AXDND1: variants seen among roughly 807,000 people sequenced by gnomAD.
AXDND1 encodes axonemal dynein light chain domain-containing protein 1.
AXDND1 carries 110 observed loss-of-function variants against 137.5 expected under a neutral mutation model. The ratio of observed to expected loss-of-function variants is 0.80; its 90% CI spans 0.69 to 0.94. The LOEUF (loss-of-function observed/expected upper bound fraction) is 0.94, where lower values mean the gene tolerates loss of function less well. Among genes scored for constraint, AXDND1 ranks in the 40% least tolerant of loss-of-function variants. AXDND1 has a pLI of 0.00. For missense variants in AXDND1, 1,191 were observed against 1,169.8 expected (o/e 1.02, Z -0.26); for synonymous variants, 414 against 399.7 (o/e 1.04, Z -0.43).
chr1:179,471,420 T>C (rs1172870086), intron 17 of AXDND1, among the ~76,000 whole-genome samples: 1 of 152,228 alleles, frequency 6.6e-6, no homozygotes, highest in Non-Finnish European at 1.5e-5. Flanking sequence ...CTATTTCTTA[T>C]TGAATCAGTT....
Position 179,383,535 on chromosome 1 carries a change from A to G in AXDND1, c.732A>G (p.Gly244=). ...RAGVENQEYT[G]PTKMHKLLHI... ...GTGTGGAAAATCAGGAATATACAGG[A>G]CCAACGAAGGTAATTGCAAAGCCGA... Residue 244 remains glycine, a synonymous_variant, in exon 8 of 26, where the codon GGA becomes GGG. Transcript: ENST00000367618. 6.2e-7 allele frequency: 1 copy of G among 1,612,710 alleles called. No individual in the cohort carries two copies. Among genetic ancestry groups the G allele is most frequent in the South Asian group, 1.1e-5 (1 of 90,992 alleles).
chr1:179,434,046 TG>T (rs1437982057), intron 15 of AXDND1, among the ~76,000 whole-genome samples: 1 of 152,192 alleles, frequency 6.6e-6, no homozygotes. Context: ...CTGTGTTGGG[TG>T]CATACATATT....
At chr1:179,554,251 A>G (rs1193462677) in intron 25 of AXDND1, among the ~76,000 whole-genome samples, 1 of 152,130 alleles carries the variant, frequency 6.6e-6, no homozygotes, top group Non-Finnish European at 1.5e-5. Context: ...ATCTAAAACA[A>G]TTTTTAGATT....
chr1:179,448,784 C>T (rs142145450), intron 16 of AXDND1: 6 of 162,636 alleles, frequency 3.7e-5, no homozygotes, highest in African/African-American at 1.4e-4. Context: ...GGTGTCATAT[C>T]TAAGAATCCT....
chr1:179,412,609 G>C (rs1455863042), intron 12 of AXDND1, among the ~76,000 whole-genome samples: 1 of 152,046 alleles, frequency 6.6e-6, no homozygotes, highest in Non-Finnish European at 1.5e-5. Context: ...TTACTTACTA[G>C]AGGTAATTAT....
chr1:179,369,000 G>A (rs1667754619), intron 3 of AXDND1, 28 bp downstream of exon 3: 2 of 1,540,378 alleles, frequency 1.3e-6, no homozygotes, highest in East Asian at 2.3e-5. Flanking sequence ...TAGAGTAATG[G>A]GGAACATTAT....
In AXDND1 at chr1:179,510,001, A is replaced by G. The variant is rs187111842; in HGVS notation, c.2496+598A>G. Among the ~76,000 whole-genome samples, 39 of 152,208 alleles carry G rather than the reference A, an allele frequency of 2.6e-4. No homozygotes were observed. The East Asian group carries it at 6.8e-3, about 26-fold the overall frequency. On this transcript the variant is annotated intron_variant, in intron 21 of 25. Transcript: ENST00000367618. Reference sequence around the variant, plus strand: ...CAGTGATTCCTTATTGCCAAATCCAAGTATCTTCAATTTTGTATTTAACCT... The same window carrying G: ...CAGTGATTCCTTATTGCCAAATCCAGGTATCTTCAATTTTGTATTTAACCT...
At chr1:179,542,310 T>G (rs1380475315) in intron 25 of AXDND1, among the ~76,000 whole-genome samples, 1 of 152,180 alleles carries the variant, frequency 6.6e-6, no homozygotes, top group African/African-American at 2.4e-5. Flanking sequence ...AGACATCTAC[T>G]TTCCGTTTTT....
intron 25 of AXDND1, among the ~76,000 whole-genome samples, chr1:179,535,240 A>G (rs550480146): frequency 7.9e-5 from 12 of 151,308 alleles, no homozygotes; most frequent in Non-Finnish European, 1.6e-4. Context: ...TTTTTTTATT[A>G]TACTTTAAGT....
intron 2 of AXDND1, 49 bp downstream of exon 2, chr1:179,366,655 G>GA: frequency 6.8e-7 from 1 of 1,475,288 alleles, no homozygotes; most frequent in Non-Finnish European, 9.5e-7. Flanking sequence ...CCGTAAGACA[G>GA]AAATCACCTT....
chr1:179,411,859 T>A (rs11333365), intron 12 of AXDND1, among the ~76,000 whole-genome samples: 45,443 of 134,788 alleles, frequency 0.34, 7,052 homozygotes, highest in Non-Finnish European at 0.36. Context: ...CTTTTTTTTT[T>A]AAAAAAACAG....
chr1:179,366,408 A>G lies in AXDND1; in HGVS notation c.-102A>G, dbSNP rs1253394367. ...TCTTTTTTCCTCTGCCTGCAGGACT[A>G]TGTGGCAGCCTGCAAGTCCCAGTGC... On this transcript the variant is annotated 5_prime_UTR_variant, in exon 2 of 26. The change abolishes an upstream ATG in the 5' untranslated region. Coordinates refer to ENST00000367618, the MANE Select transcript of AXDND1 (RefSeq NM_144696.6). 7.4e-6 allele frequency: 6 copies of G among 810,190 alleles called. No homozygotes were observed. The highest frequency in any genetic ancestry group is 2.4e-4 in the Middle Eastern group (1 of 4,174). The allele number at this position is 810,190 out of a possible 1,614,324, so 50.2% of individuals were successfully genotyped here.
At chr1:179,456,312 C>T (rs1227540340) in intron 16 of AXDND1, 1 of 749,920 alleles carries the variant, frequency 1.3e-6, no homozygotes, top group East Asian at 2.5e-5. Context: ...TTGGCCTCCA[C>T]CACCACAGGG....
At chr1:179,456,918 C>G (rs1249783516) in intron 16 of AXDND1, 7 of 1,208,542 alleles carry the variant, frequency 5.8e-6, no homozygotes, top group East Asian at 4.6e-5. Context: ...CTTGCCACTG[C>G]CTCAGTCATG....
At chr1:179,446,057 C>T (rs990688268) in intron 16 of AXDND1, among the ~76,000 whole-genome samples, 1 of 152,152 alleles carries the variant, frequency 6.6e-6, no homozygotes, top group African/African-American at 2.4e-5. Flanking sequence ...TAAAATCTCA[C>T]TGTGGTTTTG....
intron 16 of AXDND1, chr1:179,447,584 A>T: frequency 2.9e-6 from 3 of 1,048,212 alleles, no homozygotes; most frequent in South Asian, 3.6e-5. Context: ...AGTTGAAGAA[A>T]GGTTCAACTT....
At chr1:179,511,791 A>C (rs191613100) in intron 21 of AXDND1, among the ~76,000 whole-genome samples, 2 of 151,654 alleles carry the variant, frequency 1.3e-5, no homozygotes, top group African/African-American at 4.8e-5. Flanking sequence ...TGTCGTTTTG[A>C]TTTGCATTTC....
chr1:179,511,393 G>GGTGTGTGTGTGTGTGT (rs59772845), intron 21 of AXDND1, among the ~76,000 whole-genome samples: 1 of 145,076 alleles, frequency 6.9e-6, no homozygotes, highest in Non-Finnish European at 1.5e-5. Flanking sequence ...TGGTATATGG[G>GGTGTGTGTGTGTGTGT]GTGTGTGTGT....
intron 16 of AXDND1, among the ~76,000 whole-genome samples, chr1:179,462,581 C>T (rs1662512146): frequency 6.6e-6 from 1 of 152,132 alleles, no homozygotes. Context: ...AGGGCGGATT[C>T]CCTCTTTTTC....
Sources: gnomAD v4.1 joint callset for allele counts (sites outside exome capture counted in the v4.1 genomes callset) on GRCh38, gnomAD v4.1.1 for gene constraint, MANE v1.5 for transcripts, NCBI Gene and HGNC (gene_info 2026-07-23, HGNC 2026-07-21) for gene names.